C2: variants seen among roughly 807,000 people sequenced by gnomAD.
The protein encoded by C2 is complement C2, also known as C3/C5 convertase.
A neutral mutation model predicts 85.2 loss-of-function variants in C2; 64 were observed. The ratio of observed to expected loss-of-function variants is 0.75; its 90% CI spans 0.61 to 0.92. The LOEUF is 0.92. C2 is among the 40% of genes least tolerant of loss of function. The pLI is 0.00. For missense variants in C2, 820 were observed against 971.6 expected (o/e 0.84, Z 2.07); for synonymous variants, 311 against 370.8 (o/e 0.84, Z 1.85).
chr6:31,920,737 G>A lies in C2; in HGVS notation c.-100+711G>A, dbSNP rs1484934251. Among the ~76,000 whole-genome samples, 4 of 152,186 alleles carry A rather than the reference G, an allele frequency of 2.6e-5. No individual in the cohort carries two copies. The highest frequency in any genetic ancestry group is 9.7e-5 in the African/African-American group (4 of 41,440). ...CACCCCAGGCCTGTGAGTCTTTAGA[G>A]GTTGAGTTTTTGTCTGAAAGAGATA... On this transcript the variant is annotated intron_variant, in intron 1 of 3. Transcript: ENST00000413154. This position sits in a 1 kb window ranked among gnomAD's most constrained non-coding sequence, Gnocchi z 5.6.
At chr6:31,925,786 G>T (rs879331580), upstream of C2, among the ~76,000 whole-genome samples, 1 of 152,166 alleles carries the variant, frequency 6.6e-6, no homozygotes, top group African/African-American at 2.4e-5. Context: ...CCATGTGATT[G>T]AAAGAAGACA....
intron 1 of C2, among the ~76,000 whole-genome samples, chr6:31,912,447 C>G (rs1768178760): frequency 6.6e-6 from 1 of 152,142 alleles, no homozygotes; most frequent in South Asian, 2.1e-4. Context: ...TTCTATAAAC[C>G]CTCACTCCTT....
upstream of C2, chr6:31,899,959 G>A: frequency 6.3e-7 from 1 of 1,595,568 alleles, no homozygotes; most frequent in Non-Finnish European, 8.6e-7. Context: ...CGGCCACACT[G>A]GCCTCCAGCA....
chr6:31,900,906 T>G, upstream of C2: 1 of 1,614,134 alleles, frequency 6.2e-7, no homozygotes, highest in Non-Finnish European at 8.5e-7. This position sits in a 1 kb window ranked among gnomAD's most constrained non-coding sequence, Gnocchi z 9.7. Context: ...CCATCCTCTT[T>G]GAGGCCTATT....
At chr6:31,931,792 C>T (rs1380138779) in intron 3 of C2, among the ~76,000 whole-genome samples, 2 of 152,176 alleles carry the variant, frequency 1.3e-5, no homozygotes, top group East Asian at 1.9e-4. Context: ...ACCTCCCAGA[C>T]GGGGTGGTGG....
intron 1 of C2, among the ~76,000 whole-genome samples, chr6:31,903,931 A>G (rs1767548953): frequency 2.0e-5 from 3 of 152,018 alleles, no homozygotes; most frequent in Non-Finnish European, 4.4e-5. Flanking sequence ...TTTGAGGAAG[A>G]ACACCTGATT....
At chr6:31,925,886 G>A (rs779343657), upstream of C2, among the ~76,000 whole-genome samples, 1 of 152,082 alleles carries the variant, frequency 6.6e-6, no homozygotes, top group Non-Finnish European at 1.5e-5. Context: ...GCTGTGCAGG[G>A]CTGGTATGAC....
chr6:31,935,810 C>T lies in C2; in HGVS notation c.850-113C>T. The T allele has an allele frequency of 8.4e-7, 1 of 1,186,906 alleles. No homozygotes were observed. Among genetic ancestry groups the T allele is most frequent in the South Asian group, 1.2e-5 (1 of 81,590 alleles). The allele number at this position is 1,186,906 out of a possible 1,614,324, so 73.5% of individuals were successfully genotyped here. A position where few individuals can be genotyped will look rare whatever the true frequency, so the allele number is the denominator to read the frequency against. On this transcript the variant is annotated intron_variant, in intron 6 of 17. Transcript: ENST00000299367. This position sits in a 1 kb window ranked among gnomAD's most constrained non-coding sequence, Gnocchi z 4.3. ...CTAGTGTCTCCCCTGGTCCTTGCCT[C>T]TGTCGGTCTCACTCCAGTTTCTCTG... is the stretch of plus-strand genomic sequence containing the variant.
chr6:31,916,689 C>G (rs1768534102), upstream of C2, among the ~76,000 whole-genome samples: 1 of 151,436 alleles, frequency 6.6e-6, no homozygotes, highest in Admixed American at 6.6e-5. Context: ...GCAGGAGCAT[C>G]TGTCTACTGC....
At chr6:31,918,232 C>CTATG (rs1412140335), upstream of C2, among the ~76,000 whole-genome samples, 4 of 151,836 alleles carry the variant, frequency 2.6e-5, no homozygotes, top group Admixed American at 2.0e-4. Flanking sequence ...CTGCCGTGAG[C>CTATG]TATGATCAGG....
Position 31,937,436 on chromosome 6 carries a change from A to C in C2, c.1106A>C (p.His369Pro). 6.2e-7 allele frequency: 1 copy of C among 1,612,790 alleles called. No homozygotes were observed. Among genetic ancestry groups the C allele is most frequent in the Non-Finnish European group, 8.5e-7 (1 of 1,179,962 alleles). ...METMAWQEIR[H>P]AIILLTDGKS... ...ACGATGGCCTGGCAGGAAATCCGAC[A>C]TGCCATCATCCTTCTGACAGATGGT... is the stretch of plus-strand genomic sequence containing the variant. Residue 369 changes from histidine to proline, a missense_variant, in exon 8 of 18, where the codon CAT becomes CCT. By Grantham distance (77) the His-to-Pro change is moderately conservative. Coordinates refer to ENST00000299367, the MANE Select transcript of C2 (RefSeq NM_000063.6).
At chr6:31,932,880 G>A (rs144585235) in intron 3 of C2, among the ~76,000 whole-genome samples, 5,169 of 152,364 alleles carry the variant, frequency 0.034, 108 homozygotes, top group South Asian at 0.055. Flanking sequence ...TCGGGAGGCC[G>A]AGGCTGGTGG....
chr6:31,902,455 G>A (rs554917044), intron 1 of C2, among the ~76,000 whole-genome samples: 3 of 152,120 alleles, frequency 2.0e-5, no homozygotes, highest in African/African-American at 7.2e-5. Context: ...TGCTCCCAGG[G>A]GTGGTGCGTC....
chr6:31,901,457 T>G, intron 1 of C2: 1 of 901,208 alleles, frequency 1.1e-6, no homozygotes, highest in Non-Finnish European at 1.6e-6. Context: ...CTTCCTCAGT[T>G]TCCCCAACCC....
chr6:31,938,438 G>GTA (rs1351187077), intron 8 of C2, among the ~76,000 whole-genome samples: 39 of 143,490 alleles, frequency 2.7e-4, no homozygotes, highest in Admixed American at 3.5e-4. Flanking sequence ...GTAAAAGTGT[G>GTA]TATATATATA....
Position 31,945,113 on chromosome 6 carries a change from A to C in C2, c.2080-65A>C. On this transcript the variant is annotated intron_variant, in intron 17 of 17. Coordinates refer to ENST00000299367, the MANE Select transcript of C2 (RefSeq NM_000063.6). This position sits in a 1 kb window ranked among gnomAD's most constrained non-coding sequence, Gnocchi z 5.3. ...GATGAGGGAGGCCTTTGAGGGATCTAGGGAGGTTGGGGCTTACAGTTGGGG... is the reference window on the plus strand; with the variant it reads ...GATGAGGGAGGCCTTTGAGGGATCTCGGGAGGTTGGGGCTTACAGTTGGGG... 1 of 1,609,132 alleles carries C rather than the reference A, an allele frequency of 6.2e-7. No individual in the cohort carries two copies. The highest frequency in any genetic ancestry group is 8.5e-7 in the Non-Finnish European group (1 of 1,176,632).
At chr6:31,913,993 T>C (rs1338049866) in intron 1 of C2, among the ~76,000 whole-genome samples, 1 of 151,394 alleles carries the variant, frequency 6.6e-6, no homozygotes, top group African/African-American at 2.4e-5. Context: ...CTTGGCTCAC[T>C]GCAACCTGCG....
upstream of C2, among the ~76,000 whole-genome samples, chr6:31,898,353 A>T (rs1041711488): frequency 5.9e-5 from 9 of 152,206 alleles, no homozygotes; most frequent in Non-Finnish European, 1.2e-4. Context: ...ACACTTCATA[A>T]GCACAGTCAG....
upstream of C2, among the ~76,000 whole-genome samples, chr6:31,899,005 G>A (rs546712804): frequency 6.6e-6 from 1 of 151,982 alleles, no homozygotes; most frequent in Non-Finnish European, 1.5e-5. Context: ...TAAGAACGCA[G>A]CATCACAGGG....
Sources: allele counts gnomAD v4.1 joint callset (sites outside exome capture counted in the v4.1 genomes callset), GRCh38; gene constraint gnomAD v4.1.1; non-coding constraint Gnocchi (gnomAD v3.1); transcripts MANE v1.5; gene names NCBI Gene and HGNC (gene_info 2026-07-23, HGNC 2026-07-21).